The following STK32C variants were observed in gnomAD, a reference collection of about 807,000 sequenced individuals.
STK32C encodes serine/threonine-protein kinase 32C.
In STK32C, 31 loss-of-function variants were observed where a neutral mutation model predicts 56.5. The ratio of observed to expected loss-of-function variants is 0.55; its 90% CI spans 0.41 to 0.74. The LOEUF is 0.74. Among genes scored for constraint, STK32C ranks in the 30% least tolerant of loss-of-function variants. The pLI, the probability that STK32C is intolerant of heterozygous loss-of-function variation, is 0.00. For synonymous variants in STK32C, 309 were observed against 289.4 expected (o/e 1.07, Z -0.69); for missense variants, 544 against 676.9 (o/e 0.80, Z 2.18).
intron 1 of STK32C, among the ~76,000 whole-genome samples, chr10:132,279,880 G>A (rs1463662971): frequency 4.1e-5 from 6 of 144,770 alleles, no homozygotes; most frequent in Admixed American, 3.5e-4. Flanking sequence ...CTGTGATCAC[G>A]CCACCTGTGC....
At chr10:132,271,423 C>T (rs893427048) in intron 1 of STK32C, among the ~76,000 whole-genome samples, 2 of 152,226 alleles carry the variant, frequency 1.3e-5, no homozygotes, top group African/African-American at 2.4e-5. Context: ...GAGCCCCCAG[C>T]TCCTTGTCCC....
At position 132,328,175 on chromosome 10, in the gene STK32C, C is replaced by T. The variant is rs149079836; in HGVS notation, c.301+3261G>A. ...TATTATTACTCAGTCAGTCTCCCTG[C>T]GCATTCTGGGATCAGAGTTTTTAAA... On this transcript the variant is annotated intron_variant, in intron 1 of 1. Transcript: ENST00000368619. Among the ~76,000 whole-genome samples, 877 of 152,208 alleles carry T rather than the reference C, an allele frequency of 5.8e-3. 13 individuals carry two copies. Among genetic ancestry groups the T allele is most frequent in the African/African-American group, 0.02 (848 of 41,496 alleles).
At chr10:132,259,756 G>A (rs543325689) in intron 1 of STK32C, among the ~76,000 whole-genome samples, 3 of 152,312 alleles carry the variant, frequency 2.0e-5, no homozygotes, top group South Asian at 2.1e-4. Context: ...CTAGCAATGC[G>A]AAAACGGACT....
intron 1 of STK32C, among the ~76,000 whole-genome samples, 196 bp from the exon 2 acceptor site, chr10:132,246,151 G>A (rs899372728): frequency 2.0e-5 from 3 of 152,222 alleles, no homozygotes; most frequent in African/African-American, 7.2e-5. Context: ...TGAAGACATG[G>A]GCCTTGGGTC....
chr10:132,253,429 GTCGAGGGAGCTGGAGGGAGTCGAGGGAA>G, intron 1 of STK32C, among the ~76,000 whole-genome samples: 5 of 140,280 alleles, frequency 3.6e-5, no homozygotes, highest in African/African-American at 1.5e-4. Flanking sequence ...GCTGGAGGGA[GTCGAGGGAGCTGGAGGGAGTCGAGGGAA>G]CTGGAGGGAG....
chr10:132,240,133 G>A (rs1274942673), intron 2 of STK32C, among the ~76,000 whole-genome samples: 1 of 152,100 alleles, frequency 6.6e-6, no homozygotes, highest in Non-Finnish European at 1.5e-5. Flanking sequence ...TACAGGCAGT[G>A]CTGACTCAAG....
chr10:132,225,211 A>G (rs902629), intron 7 of STK32C, 22 bp downstream of exon 7: 1,330,615 of 1,573,096 alleles, frequency 0.85, 563,744 homozygotes, highest in East Asian at 0.94. Flanking sequence ...AGCCAAGCCC[A>G]GGGGCTGCAG....
intron 1 of STK32C, among the ~76,000 whole-genome samples, chr10:132,286,572 T>C (rs2065411442): frequency 6.6e-6 from 1 of 151,896 alleles, no homozygotes; most frequent in Non-Finnish European, 1.5e-5. Flanking sequence ...TAAAAACAAA[T>C]CTAGAAATGA....
intron 1 of STK32C, among the ~76,000 whole-genome samples, chr10:132,249,381 T>C (rs1177062915): frequency 6.6e-6 from 1 of 152,158 alleles, no homozygotes; most frequent in Non-Finnish European, 1.5e-5. Flanking sequence ...GCCATGCAGA[T>C]GCTGCTCAGG....
At chr10:132,210,511 G>T (rs2062257165) in intron 10 of STK32C, among the ~76,000 whole-genome samples, 1 of 152,232 alleles carries the variant, frequency 6.6e-6, no homozygotes, top group Admixed American at 6.5e-5. Context: ...GCCTCCCAAA[G>T]TGCTGAGATT....
chr10:132,244,620 T>C (rs1306972401), intron 2 of STK32C, among the ~76,000 whole-genome samples: 1 of 152,002 alleles, frequency 6.6e-6, no homozygotes, highest in African/African-American at 2.4e-5. Flanking sequence ...CTTCCCAACC[T>C]CCCTCCTTGA....
intron 1 of STK32C, among the ~76,000 whole-genome samples, chr10:132,282,910 G>C (rs1564775443): frequency 6.6e-6 from 1 of 152,242 alleles, no homozygotes; most frequent in Non-Finnish European, 1.5e-5. Flanking sequence ...GGCGGTGGGG[G>C]GTGTTGTCAT....
chr10:132,214,008 A>T (rs551328154), intron 10 of STK32C, among the ~76,000 whole-genome samples: 2 of 152,302 alleles, frequency 1.3e-5, no homozygotes, highest in South Asian at 4.1e-4. Context: ...TGAACAGAAT[A>T]TCCAAGAGCT....
intron 1 of STK32C, chr10:132,249,076 G>C (rs763569698): frequency 4.2e-6 from 2 of 478,684 alleles, no homozygotes; most frequent in Non-Finnish European, 8.4e-6. Context: ...CTCCGGCAGA[G>C]GCTCCCAGCT....
intron 1 of STK32C, among the ~76,000 whole-genome samples, chr10:132,306,081 G>A (rs1178745220): frequency 6.6e-6 from 1 of 152,178 alleles, no homozygotes; most frequent in African/African-American, 2.4e-5. Flanking sequence ...TGAATTCTGT[G>A]ACATAACACA....
At chr10:132,258,603 C>A (rs1456147689) in intron 1 of STK32C, among the ~76,000 whole-genome samples, 2 of 152,248 alleles carry the variant, frequency 1.3e-5, no homozygotes, top group African/African-American at 4.8e-5. Flanking sequence ...TTCCTCCCAG[C>A]CCACCGAACA....
intron 1 of STK32C, among the ~76,000 whole-genome samples, chr10:132,261,468 C>T (rs10870280): frequency 0.13 from 19,253 of 152,164 alleles, 1,939 homozygotes; most frequent in African/African-American, 0.27. Context: ...CAAAATACTG[C>T]GGATAGAAAT....
chr10:132,328,156 TACTC>T lies in STK32C; in HGVS notation c.301+3276_301+3279del, dbSNP rs1289499441. 2.6e-5 allele frequency among the ~76,000 whole-genome samples: 4 copies of T among 152,152 alleles called. No homozygotes were observed. In the South Asian group the frequency reaches 8.3e-4, roughly 32 times the overall value. ...CAGGAGACCGGAGTTCTACTATTATTACTCAGTCAGTCTCCCTGCGCATTCTGGG... is the reference window on the plus strand; with the variant it reads ...CAGGAGACCGGAGTTCTACTATTATTAGTCAGTCTCCCTGCGCATTCTGGG... On this transcript the variant is annotated intron_variant, in intron 1 of 1. Transcript: ENST00000368619.
At chr10:132,300,343 G>A (rs935434250) in intron 1 of STK32C, among the ~76,000 whole-genome samples, 1 of 152,144 alleles carries the variant, frequency 6.6e-6, no homozygotes, top group Admixed American at 6.5e-5. Flanking sequence ...TGGCAGGGCC[G>A]GAGCCCAGAA....
Sources: gnomAD v4.1 joint callset for allele counts (sites outside exome capture counted in the v4.1 genomes callset) on GRCh38, gnomAD v4.1.1 for gene constraint, MANE v1.5 for transcripts, NCBI Gene and HGNC (gene_info 2026-07-23, HGNC 2026-07-21) for gene names.